PEX13: variants seen among roughly 807,000 people sequenced by gnomAD.
PEX13 encodes the protein peroxisome biogenesis factor 13.
A neutral mutation model predicts 34.5 loss-of-function variants in PEX13; 28 were observed. That is an observed-to-expected ratio of 0.81 (90% CI 0.60 to 1.11). PEX13 has a LOEUF of 1.11. Among genes scored for constraint, PEX13 ranks in the 50% most tolerant of loss-of-function variants. The probability of loss-of-function intolerance (pLI) is 0.00; values close to 1 mark genes in which losing one functional copy is unlikely to be tolerated. For synonymous variants in PEX13, 177 were observed against 175.1 expected, an observed-to-expected ratio of 1.01 and a Z score of -0.09; for missense variants, 550 against 491.0, an observed-to-expected ratio of 1.12 and a Z score of -1.13.
At chr2:61,040,784 TTAAAG>T (rs1200250555) in intron 2 of PEX13, among the ~76,000 whole-genome samples, 6 of 147,920 alleles carry the variant, frequency 4.1e-5, no homozygotes, top group African/African-American at 7.4e-5. Context: ...TACCTATATA[TTAAAG>T]TATAGTATAT....
intron 1 of PEX13, among the ~76,000 whole-genome samples, chr2:61,021,343 G>A (rs1402532927): frequency 6.6e-6 from 1 of 152,180 alleles, no homozygotes. Context: ...CACAGTCTTA[G>A]CAACAAGCAG....
rs143378216 is a variant in PEX13 at position 61,031,680 on chromosome 2, T to C, written c.354T>C (p.Phe118=). The change falls in exon 2 of 4, where the codon TTT becomes TTC. Residue 118 remains phenylalanine, a synonymous_variant. Transcript: ENST00000295030. ...TAGATGATCTTCCACCCAGTAGATT[T>C]GTTCAGCAAGCTGAAGAAAGCAGCA... ...LRVDDLPPSR[F]VQQAEESSRG... 4.5e-5 allele frequency: 72 copies of C among 1,614,208 alleles called. No homozygotes were observed. The African/African-American group carries it at 9.3e-4, about 21-fold the overall frequency.
intron 2 of PEX13, among the ~76,000 whole-genome samples, chr2:61,042,142 C>G (rs530864212): frequency 1.3e-5 from 2 of 152,194 alleles, no homozygotes; most frequent in Non-Finnish European, 2.9e-5. Context: ...TTGAAATAAT[C>G]TGTGATGTGA....
intron 1 of PEX13, among the ~76,000 whole-genome samples, chr2:61,028,658 A>T (rs530942466): frequency 6.7e-6 from 1 of 148,424 alleles, no homozygotes; most frequent in East Asian, 2.2e-4. Context: ...AAGTGCTGGG[A>T]TTACAGGCAT....
chr2:61,028,145 A>G (rs1680391596), intron 1 of PEX13, among the ~76,000 whole-genome samples: 1 of 152,234 alleles, frequency 6.6e-6, no homozygotes, highest in Non-Finnish European at 1.5e-5. Context: ...ATACATTTTA[A>G]TGGAAAGATC....
chr2:61,030,259 A>G (rs1182004437), intron 1 of PEX13, among the ~76,000 whole-genome samples: 2 of 152,168 alleles, frequency 1.3e-5, no homozygotes, highest in Non-Finnish European at 2.9e-5. Context: ...TTTATTTGTA[A>G]TCTGAAAATC....
Position 61,037,033 on chromosome 2 carries a change from T to C in PEX13, c.787+4920T>C, listed in dbSNP as rs554620731. Among the ~76,000 whole-genome samples the C allele has an allele frequency of 3.1e-3, 474 of 152,096 alleles. 1 individual carries two copies. Among genetic ancestry groups the C allele is most frequent in the African/African-American group, 0.011 (445 of 41,484 alleles). On this transcript the variant is annotated intron_variant, in intron 2 of 3. Coordinates refer to ENST00000295030, the MANE Select transcript of PEX13 (RefSeq NM_002618.4). ...ACAAAGATCAAAAGAGACAAGGCCA[T>C]TACATAATGGTAAAGGGATCAATTC...
intron 2 of PEX13, among the ~76,000 whole-genome samples, chr2:61,034,578 C>T (rs1392173932): frequency 6.6e-6 from 1 of 152,160 alleles, no homozygotes; most frequent in African/African-American, 2.4e-5. Flanking sequence ...AGTGACTGTA[C>T]CTGGAGGAAT....
chr2:61,035,749 C>T (rs1020054289), intron 2 of PEX13, among the ~76,000 whole-genome samples: 1 of 151,942 alleles, frequency 6.6e-6, no homozygotes, highest in Non-Finnish European at 1.5e-5. Flanking sequence ...TTTGTGAGGC[C>T]AAGGCGGGCG....
chr2:61,034,231 A>G (rs890636618), intron 2 of PEX13, among the ~76,000 whole-genome samples: 1 of 152,172 alleles, frequency 6.6e-6, no homozygotes, highest in African/African-American at 2.4e-5. Context: ...TCCTGAGCTC[A>G]GGCAGTCTGC....
chr2:61,045,764 G>C lies in PEX13; in HGVS notation c.826G>C (p.Val276Leu). 1.2e-6 allele frequency: 2 copies of C among 1,613,194 alleles called. No homozygotes were observed. Among genetic ancestry groups the C allele is most frequent in the South Asian group, 1.1e-5 (1 of 91,062 alleles). ...NWASGEDDHV[V>L]ARAEYDFAAV... ...GGCAAGTGGTGAGGATGACCATGTA[G>C]TTGCCAGAGCAGAATATGATTTTGC... The change falls in exon 3 of 4, where the codon GTT becomes CTT. Residue 276 changes from valine (V) to leucine (L), a missense_variant. Physicochemically the swap from Val to Leu is conservative, Grantham distance 32 (BLOSUM62 1). Coordinates refer to ENST00000295030, the MANE Select transcript of PEX13 (RefSeq NM_002618.4).
chr2:61,023,789 T>C (rs1680306269), intron 1 of PEX13, among the ~76,000 whole-genome samples: 2 of 150,502 alleles, frequency 1.3e-5, no homozygotes, highest in African/African-American at 4.9e-5. Flanking sequence ...GTCTTTTGTT[T>C]TGTTTGTTTG....
chr2:61,029,303 C>T (rs1331742463), intron 1 of PEX13, among the ~76,000 whole-genome samples: 3 of 152,114 alleles, frequency 2.0e-5, no homozygotes, highest in African/African-American at 7.2e-5. Context: ...TACCACCTCA[C>T]GCCCACTAGG....
intron 2 of PEX13, among the ~76,000 whole-genome samples, chr2:61,035,077 C>T (rs1042674724): frequency 1.3e-5 from 2 of 152,200 alleles, no homozygotes; most frequent in Non-Finnish European, 2.9e-5. Context: ...GGTCAACAGA[C>T]ACCTTCAACA....
In PEX13 at chr2:61,041,976, A is replaced by T. The variant is rs118037000; in HGVS notation, c.788-3750A>T. ...ACAAAGAGATTTTTGAGGAGAAGCAAAATTGAGGTCCTATTACTTTAGCTC... is the reference window on the plus strand; with the variant it reads ...ACAAAGAGATTTTTGAGGAGAAGCATAATTGAGGTCCTATTACTTTAGCTC... On this transcript the variant is annotated intron_variant, in intron 2 of 3. Coordinates refer to ENST00000295030, the MANE Select transcript of PEX13 (RefSeq NM_002618.4). 3.2e-4 allele frequency among the ~76,000 whole-genome samples: 48 copies of T among 152,316 alleles called. No individual in the cohort carries two copies. The East Asian group carries it at 8.9e-3, about 28-fold the overall frequency.
chr2:61,039,984 A>G (rs2104808926), intron 2 of PEX13, among the ~76,000 whole-genome samples: 1 of 152,364 alleles, frequency 6.6e-6, no homozygotes, highest in African/African-American at 2.4e-5. Flanking sequence ...CAAACATATG[A>G]AAAAATGCTC....
chr2:61,024,359 C>G (rs1025401957), intron 1 of PEX13, among the ~76,000 whole-genome samples: 1 of 152,200 alleles, frequency 6.6e-6, no homozygotes, highest in Admixed American at 6.5e-5. Context: ...TTTAACTCAA[C>G]TTGCATATAT....
chr2:61,037,982 C>G (rs552139741), intron 2 of PEX13, among the ~76,000 whole-genome samples: 1 of 152,290 alleles, frequency 6.6e-6, no homozygotes, highest in South Asian at 2.1e-4. Flanking sequence ...AACACCTCTA[C>G]ATAAGTAAAC....
In PEX13 at chr2:61,031,835, G is replaced by T. The variant is rs779100414; in HGVS notation, c.509G>T (p.Arg170Leu). 1 of 1,613,308 alleles carries T rather than the reference G, an allele frequency of 6.2e-7. No homozygotes were observed. The highest frequency in any genetic ancestry group is 1.1e-5 in the South Asian group (1 of 91,042). ...AVLDVANHFS[R>L]LKIHFTKVFS... Reference sequence around the variant, plus strand: ...TTGGATGTAGCAAATCACTTTTCCCGATTGAAAATACACTTTACAAAAGTG... The same window carrying T: ...TTGGATGTAGCAAATCACTTTTCCCTATTGAAAATACACTTTACAAAAGTG... The change falls in exon 2 of 4, where the codon CGA (arginine) becomes CTA (leucine). Residue 170 changes from arginine to leucine, a missense_variant. By Grantham distance (102) the Arg-to-Leu change is moderately radical. Transcript: ENST00000295030.
Sources: allele counts gnomAD v4.1 joint callset (sites outside exome capture counted in the v4.1 genomes callset), GRCh38; gene constraint gnomAD v4.1.1; transcripts MANE v1.5; gene names NCBI Gene and HGNC (gene_info 2026-07-23, HGNC 2026-07-21).